HIVEP2: variants seen among roughly 807,000 people sequenced by gnomAD.
HIVEP2 encodes the protein transcription factor HIVEP2.
A neutral mutation model predicts 180.7 loss-of-function variants in HIVEP2; 14 were observed. The observed-to-expected ratio is 0.08, with a 90% CI of 0.05 to 0.12. The LOEUF (loss-of-function observed/expected upper bound fraction) is 0.12, where lower values mean the gene tolerates loss of function less well. HIVEP2 is among the 10% of genes least tolerant of loss of function. HIVEP2 has a pLI of 1.00. For missense variants in HIVEP2, 2,579 were observed against 3,008.5 expected (o/e 0.86, Z 3.34); for synonymous variants, 1,184 against 1,136.4 (o/e 1.04, Z -0.84).
intron 1 of HIVEP2, among the ~76,000 whole-genome samples, chr6:142,904,657 A>T (rs1777218345): frequency 6.6e-6 from 1 of 152,238 alleles, no homozygotes; most frequent in South Asian, 2.1e-4. Context: ...TGATGACATG[A>T]TCAAAAAAAG....
At chr6:142,914,689 A>G (rs1435873855) in intron 1 of HIVEP2, among the ~76,000 whole-genome samples, 3 of 152,214 alleles carry the variant, frequency 2.0e-5, no homozygotes, top group African/African-American at 7.2e-5. Flanking sequence ...AATCAATTGA[A>G]TGCACAACCC....
intron 3 of HIVEP2, among the ~76,000 whole-genome samples, chr6:142,781,211 T>G (rs1775851352): frequency 6.6e-6 from 1 of 152,200 alleles, no homozygotes; most frequent in African/African-American, 2.4e-5. Flanking sequence ...CTCTAATATT[T>G]CATTAAAATA....
intron 2 of HIVEP2, among the ~76,000 whole-genome samples, chr6:142,809,987 G>A (rs1235284462): frequency 6.6e-6 from 1 of 152,184 alleles, no homozygotes; most frequent in Non-Finnish European, 1.5e-5. Flanking sequence ...ATAGGACATA[G>A]GCTAGGCTTT....
chr6:142,906,826 A>G (rs1361370123), intron 1 of HIVEP2, among the ~76,000 whole-genome samples: 1 of 152,226 alleles, frequency 6.6e-6, no homozygotes, highest in African/African-American at 2.4e-5. Context: ...AAGAATATAC[A>G]AGGAAAAATT....
At chr6:142,834,403 C>T (rs1029162056) in intron 2 of HIVEP2, among the ~76,000 whole-genome samples, 5 of 152,138 alleles carry the variant, frequency 3.3e-5, no homozygotes, top group Non-Finnish European at 5.9e-5. Context: ...AAATTAATTA[C>T]TGCTCTTTAA....
chr6:142,795,981 T>C (rs1457215958), intron 2 of HIVEP2, among the ~76,000 whole-genome samples: 2 of 152,128 alleles, frequency 1.3e-5, no homozygotes, highest in Admixed American at 1.3e-4. Context: ...ATAATAAAGG[T>C]GCTGGCCCAT....
rs1328708901 is a variant in HIVEP2 at position 142,760,233 on chromosome 6, G to T, written c.6055C>A (p.Pro2019Thr). 6.2e-7 allele frequency: 1 copy of T among 1,614,078 alleles called. No homozygotes were observed. Among genetic ancestry groups the T allele is most frequent in the Non-Finnish European group, 8.5e-7 (1 of 1,180,018 alleles). Residue 2019 changes from proline to threonine, a missense_variant, in exon 9 of 10, where the codon CCT (proline) becomes ACT (threonine). Coordinates refer to ENST00000367603, the MANE Select transcript of HIVEP2 (RefSeq NM_006734.4). ...ATGCACTCCTCATCCATACAACTAG[G>T]TATGTCCAATCTGTCTTTGTCTGGT... ...SEPDKDRLDIPSCMDEECMLP... is the reference protein window; with the variant it reads ...SEPDKDRLDITSCMDEECMLP...
chr6:142,876,681 T>G (rs1406808984), intron 1 of HIVEP2, among the ~76,000 whole-genome samples: 3 of 152,262 alleles, frequency 2.0e-5, no homozygotes, highest in Admixed American at 6.5e-5. Context: ...GGCTAAGTAC[T>G]TTTGAAAAAT....
chr6:142,883,363 AT>A (rs1291208766), intron 1 of HIVEP2, among the ~76,000 whole-genome samples: 3 of 152,032 alleles, frequency 2.0e-5, no homozygotes, highest in African/African-American at 7.2e-5. Flanking sequence ...TCATCAGATT[AT>A]CAAAATGAGG....
intron 1 of HIVEP2, among the ~76,000 whole-genome samples, chr6:142,876,825 C>A (rs1401928579): frequency 6.6e-6 from 1 of 151,712 alleles, no homozygotes; most frequent in African/African-American, 2.4e-5. Context: ...GAGTTTAAGG[C>A]CAGCCTGGGC....
rs552405041 is a variant in HIVEP2 at position 142,905,858 on chromosome 6, G to A, written c.-641+39241C>T. ...ATAAAAAATGATAATCAGTCCGGGC[G>A]TGGTGGCTCACGCCTATAATCCTAG... is the stretch of plus-strand genomic sequence containing the variant. On this transcript the variant is annotated intron_variant, in intron 1 of 9. Coordinates refer to ENST00000367603, the MANE Select transcript of HIVEP2 (RefSeq NM_006734.4). Among the ~76,000 whole-genome samples the A allele has an allele frequency of 3.3e-5, 5 of 152,344 alleles. No homozygotes were observed. The South Asian group carries it at 6.2e-4, about 19-fold the overall frequency.
chr6:142,823,624 C>T lies in HIVEP2; in HGVS notation c.-528+13311G>A, dbSNP rs577780667. On this transcript the variant is annotated intron_variant, in intron 2 of 9. Coordinates refer to ENST00000367603, the MANE Select transcript of HIVEP2 (RefSeq NM_006734.4). ...ATCCCTTTCCTGGTTTCTCTTCGTG[C>T]TCTGATCAGTGGTTCTAGAATCGTT... Among the ~76,000 whole-genome samples, 7 of 152,332 alleles carry T rather than the reference C, an allele frequency of 4.6e-5. No individual in the cohort carries two copies. The South Asian group carries it at 1.0e-3, about 23-fold the overall frequency.
At chr6:142,837,955 G>T (rs941883215) in intron 1 of HIVEP2, among the ~76,000 whole-genome samples, 19 of 152,010 alleles carry the variant, frequency 1.2e-4, no homozygotes, top group Non-Finnish European at 2.8e-4. Flanking sequence ...TCAAGTGAAA[G>T]TTCAAAAACT....
rs552009654 is a variant in HIVEP2 at position 142,892,165 on chromosome 6, A to C, written c.-641+52934T>G. ...CTTTTACATTTTTATTTTTTAAAGA[A>C]ATAGTACAAAACCCAAGGGTGATAG... On this transcript the variant is annotated intron_variant, in intron 1 of 9. Transcript: ENST00000367603. 5.3e-5 allele frequency among the ~76,000 whole-genome samples: 8 copies of C among 152,286 alleles called. No individual in the cohort carries two copies. The East Asian group carries it at 1.3e-3, about 26-fold the overall frequency.
chr6:142,901,310 C>T (rs889151116), intron 1 of HIVEP2, among the ~76,000 whole-genome samples: 5 of 152,164 alleles, frequency 3.3e-5, no homozygotes, highest in African/African-American at 4.8e-5. Flanking sequence ...CATAAAACGT[C>T]GCATAACCAG....
intron 1 of HIVEP2, among the ~76,000 whole-genome samples, chr6:142,873,601 C>G (rs1457312807): frequency 6.6e-6 from 1 of 152,144 alleles, no homozygotes; most frequent in Non-Finnish European, 1.5e-5. Flanking sequence ...ATTTTGAGCA[C>G]ACATTTTCCA....
At chr6:142,815,742 T>C (rs1037098632) in intron 2 of HIVEP2, among the ~76,000 whole-genome samples, 3 of 152,250 alleles carry the variant, frequency 2.0e-5, no homozygotes, top group Non-Finnish European at 4.4e-5. Flanking sequence ...TCTTGTTTAA[T>C]TCTAGATAAT....
intron 9 of HIVEP2, among the ~76,000 whole-genome samples, chr6:142,755,066 G>A (rs1241200845): frequency 6.6e-6 from 1 of 152,156 alleles, no homozygotes; most frequent in African/African-American, 2.4e-5. Flanking sequence ...CAAAGAAACT[G>A]TTCTATTTCA....
chr6:142,781,623 A>C (rs1196144080), intron 3 of HIVEP2, among the ~76,000 whole-genome samples: 1 of 152,156 alleles, frequency 6.6e-6, no homozygotes, highest in Non-Finnish European at 1.5e-5. Context: ...CTGCATGGCT[A>C]TTTCAGTGGT....
Sources: allele counts gnomAD v4.1 joint callset (sites outside exome capture counted in the v4.1 genomes callset), GRCh38; gene constraint gnomAD v4.1.1; transcripts MANE v1.5; gene names NCBI Gene and HGNC (gene_info 2026-07-23, HGNC 2026-07-21).